ETFA: variants seen among roughly 807,000 people sequenced by gnomAD.
ETFA encodes electron transfer flavoprotein subunit alpha, mitochondrial.
A neutral mutation model predicts 46.2 loss-of-function variants in ETFA; 22 were observed. The ratio of observed to expected loss-of-function variants is 0.48; its 90% CI spans 0.34 to 0.68. ETFA has a LOEUF of 0.68. Ranked by LOEUF, ETFA falls within the 30% of genes least tolerant of loss-of-function variation. The pLI, the probability that ETFA is intolerant of heterozygous loss-of-function variation, is 0.01. For synonymous variants in ETFA, 131 were observed against 139.9 expected (o/e 0.94, Z 0.45); for missense variants, 345 against 401.1 (o/e 0.86, Z 1.19).
intron 8 of ETFA, among the ~76,000 whole-genome samples, chr15:76,281,471 G>A (rs1031604540): frequency 7.9e-5 from 12 of 151,436 alleles, no homozygotes; most frequent in African/African-American, 2.9e-4. Context: ...TGTTGCCCAG[G>A]CTAGGGTGCA....
rs541849630 is a variant in ETFA at position 76,252,400 on chromosome 15, T to TA, written c.817-21003dup. The stretch of plus-strand genomic sequence containing the variant: ...CTCACCTCGTTTCAGCCTATCTTTC[T>TA]AGCCTTTATCTTTCACCTGAATTTT... On this transcript the variant is annotated intron_variant, in intron 9 of 11. Transcript: ENST00000557943. Among the ~76,000 whole-genome samples the TA allele has an allele frequency of 7.2e-5, 11 of 152,354 alleles. No individual in the cohort carries two copies. The South Asian group carries it at 2.3e-3, about 32-fold the overall frequency.
chr15:76,291,509 G>A (rs183216298), intron 4 of ETFA, among the ~76,000 whole-genome samples: 1 of 147,748 alleles, frequency 6.8e-6, no homozygotes, highest in Non-Finnish European at 1.5e-5. Context: ...CCAGTACTTT[G>A]GGGGGCCGAG....
intron 8 of ETFA, among the ~76,000 whole-genome samples, chr15:76,276,777 AATGTTTTTT>A (rs2039596880): frequency 6.6e-6 from 1 of 152,104 alleles, no homozygotes; most frequent in African/African-American, 2.4e-5. Context: ...TTTCTGCTAC[AATGTTTTTT>A]ATCTCTAGCA....
chr15:76,260,693 G>A, intron 9 of ETFA: 1 of 1,603,286 alleles, frequency 6.2e-7, no homozygotes, highest in Non-Finnish European at 8.5e-7. Context: ...ACTCCAAGAT[G>A]AGGCCTGAAT....
At chr15:76,259,076 C>A in intron 9 of ETFA, 1 of 1,582,592 alleles carries the variant, frequency 6.3e-7, no homozygotes. Flanking sequence ...GCTCTGCCTG[C>A]CCTGGCTGCT....
At chr15:76,227,009 C>T (rs1195774412) in intron 10 of ETFA, among the ~76,000 whole-genome samples, 2 of 152,130 alleles carry the variant, frequency 1.3e-5, no homozygotes, top group Non-Finnish European at 1.5e-5. Context: ...AGCTTTAAGT[C>T]CTTATGTACA....
At chr15:76,240,693 T>C (rs1282388818) in intron 9 of ETFA, among the ~76,000 whole-genome samples, 2 of 152,130 alleles carry the variant, frequency 1.3e-5, no homozygotes, top group Non-Finnish European at 2.9e-5. Flanking sequence ...ATTTCAATTA[T>C]GCAAGATGTA....
In ETFA at chr15:76,283,054, A is replaced by T. The variant is rs184256641; in HGVS notation, c.733+703T>A. Among the ~76,000 whole-genome samples, 439 of 152,326 alleles carry T rather than the reference A, an allele frequency of 2.9e-3. 1 individual carries two copies. Among genetic ancestry groups the T allele is most frequent in the Non-Finnish European group, 4.7e-3 (322 of 68,020 alleles). On this transcript the variant is annotated intron_variant, in intron 8 of 11. Coordinates refer to ENST00000557943, the MANE Select transcript of ETFA (RefSeq NM_000126.4). ...CCTATAAATGGTTAACTACAATTCT[A>T]TATTTTTAACTACAAACTTAAAAAC...
intron 9 of ETFA, among the ~76,000 whole-genome samples, chr15:76,272,805 A>AAAATATATATATATATATATATATATAT (rs2039551344): frequency 1.3e-5 from 1 of 78,498 alleles, no homozygotes; most frequent in Non-Finnish European, 3.0e-5. Context: ...TGTCTCTTAA[A>AAAATATATATATATATATATATATATAT]ATATATACAT....
At chr15:76,296,522 T>C (rs1415546132) in intron 1 of ETFA, among the ~76,000 whole-genome samples, 4 of 152,178 alleles carry the variant, frequency 2.6e-5, no homozygotes, top group African/African-American at 9.7e-5. Flanking sequence ...GTCACGAAAG[T>C]TGATCCCTAT....
Position 76,235,755 on chromosome 15 carries a change from C to T in ETFA, c.817-4357G>A, listed in dbSNP as rs2039116074. ...GAGCTACAGTCTCTCATCAGCCCCT[C>T]ACTTTCCTACCTGCCACTGAGAAGT... On this transcript the variant is annotated intron_variant, in intron 9 of 11. Coordinates refer to ENST00000557943, the MANE Select transcript of ETFA (RefSeq NM_000126.4). Among the ~76,000 whole-genome samples, 3 of 152,202 alleles carry T rather than the reference C, an allele frequency of 2.0e-5. No individual in the cohort carries two copies. In the South Asian group the frequency reaches 6.2e-4, roughly 32 times the overall value.
At chr15:76,268,832 T>C (rs555875883) in intron 9 of ETFA, among the ~76,000 whole-genome samples, 5 of 152,354 alleles carry the variant, frequency 3.3e-5, no homozygotes, top group East Asian at 3.9e-4. Flanking sequence ...CAGCCTGCAA[T>C]TGCCTTGCTC....
chr15:76,290,479 G>A (rs1380244961), intron 4 of ETFA, among the ~76,000 whole-genome samples: 1 of 151,462 alleles, frequency 6.6e-6, no homozygotes, highest in East Asian at 1.9e-4. Flanking sequence ...CAAGTAGCTG[G>A]GACCACAGGC....
intron 9 of ETFA, among the ~76,000 whole-genome samples, chr15:76,265,090 C>G (rs1053498040): frequency 1.1e-4 from 17 of 151,142 alleles, no homozygotes; most frequent in African/African-American, 3.9e-4. Context: ...CCACAGCAGA[C>G]AGTGCTGCCA....
At position 76,311,423 on chromosome 15, in the gene ETFA, C is replaced by T; in HGVS notation, c.-35G>A. On this transcript the variant is annotated 5_prime_UTR_variant, in exon 1 of 12. Coordinates refer to ENST00000557943, the MANE Select transcript of ETFA (RefSeq NM_000126.4). Reference sequence around the variant, plus strand: ...TTCCGCCGCAACCTCGGCCTTACAGCAGCCCCGTGCCCGGCCAACTGGCGC... The same window carrying T: ...TTCCGCCGCAACCTCGGCCTTACAGTAGCCCCGTGCCCGGCCAACTGGCGC... The T allele has an allele frequency of 6.5e-7, 1 of 1,548,562 alleles. No homozygotes were observed.
At position 76,236,353 on chromosome 15, in the gene ETFA, T is replaced by C. The variant is rs373454763; in HGVS notation, c.817-4955A>G. Among the ~76,000 whole-genome samples, 11 of 152,368 alleles carry C rather than the reference T, an allele frequency of 7.2e-5. No individual in the cohort carries two copies. In the East Asian group the frequency reaches 7.7e-4, roughly 11 times the overall value. Reference sequence around the variant, plus strand: ...AGTAAAAATAAACAGGTAAAATTAATTTTTAATAATGTAATCTCAGGTCAG... The same window carrying C: ...AGTAAAAATAAACAGGTAAAATTAACTTTTAATAATGTAATCTCAGGTCAG... On this transcript the variant is annotated intron_variant, in intron 9 of 11. Transcript: ENST00000557943.
intron 8 of ETFA, among the ~76,000 whole-genome samples, chr15:76,275,939 T>C (rs987887363): frequency 1.1e-4 from 17 of 152,174 alleles, no homozygotes; most frequent in African/African-American, 9.6e-5. Context: ...ACATAAGTAA[T>C]TGTAATACAT....
chr15:76,220,071 TTTTG>T (rs1192213190), intron 11 of ETFA, among the ~76,000 whole-genome samples: 1 of 152,186 alleles, frequency 6.6e-6, no homozygotes, highest in Non-Finnish European at 1.5e-5. Flanking sequence ...GGTTTCTGTT[TTTTG>T]TTTTTTTTCT....
chr15:76,241,756 C>T (rs2039192860), intron 9 of ETFA, among the ~76,000 whole-genome samples: 2 of 130,260 alleles, frequency 1.5e-5, no homozygotes, highest in Admixed American at 1.7e-4. Flanking sequence ...GAGCCAAGAT[C>T]ACACCACTGC....
Sources: allele counts gnomAD v4.1 joint callset (sites outside exome capture counted in the v4.1 genomes callset), GRCh38; gene constraint gnomAD v4.1.1; transcripts MANE v1.5; gene names NCBI Gene and HGNC (gene_info 2026-07-23, HGNC 2026-07-21).